Variants in CLASP2 observed in about 807,000 individuals in gnomAD.
The protein encoded by CLASP2 is cytoplasmic linker associated protein 2, also known as CLIP-associating protein 2.
CLASP2 carries 47 observed loss-of-function variants against 194.4 expected under a neutral mutation model. The observed-to-expected ratio is 0.24, with a 90% CI of 0.19 to 0.31. The LOEUF is 0.31. Ranked by LOEUF, CLASP2 falls within the 10% of genes least tolerant of loss-of-function variation. The pLI is 1.00. For missense variants in CLASP2, 1,445 were observed against 1,823.6 expected (o/e 0.79, Z 3.78); for synonymous variants, 619 against 633.5 (o/e 0.98, Z 0.34).
intron 2 of CLASP2, among the ~76,000 whole-genome samples, chr3:33,696,263 T>G (rs1244631317): frequency 6.6e-6 from 1 of 150,414 alleles, no homozygotes; most frequent in East Asian, 1.9e-4. Flanking sequence ...TCCCCATAAA[T>G]AGTCTGAAAC....
intron 29 of CLASP2, among the ~76,000 whole-genome samples, chr3:33,552,475 A>G (rs917186610): frequency 2.0e-5 from 3 of 152,146 alleles, no homozygotes; most frequent in African/African-American, 7.2e-5. Flanking sequence ...TGAAATATGT[A>G]TATTTGTGGA....
chr3:33,622,251 A>T lies in CLASP2; in HGVS notation c.1065T>A (p.Ala355=). ...AAAAGCAATCATACTGTGCAGCTCC[A>T]GCAACAAGCAGTGATCGAATTTTCT... ...ALKKIRSLLV[A]GAAQYDCFFQ... The change falls in exon 11 of 39, where the codon GCT becomes GCA. Residue 355 remains alanine, a synonymous_variant. Coordinates refer to ENST00000682230, the MANE Select transcript of CLASP2 (RefSeq NM_001365631.1). 6.6e-7 allele frequency: 1 copy of T among 1,516,104 alleles called. No homozygotes were observed. The highest frequency in any genetic ancestry group is 2.4e-5 in the East Asian group (1 of 41,730). 93.9% of individuals were successfully genotyped at this position (1,516,104 alleles called of 1,614,324 possible). A position where few individuals can be genotyped will look rare whatever the true frequency, so the allele number is the denominator to read the frequency against.
chr3:33,623,085 T>C (rs1228306587), intron 10 of CLASP2, among the ~76,000 whole-genome samples: 1 of 152,170 alleles, frequency 6.6e-6, no homozygotes, highest in Non-Finnish European at 1.5e-5. Flanking sequence ...AGTGAGCCAC[T>C]ACATCTGGCC....
intron 8 of CLASP2, among the ~76,000 whole-genome samples, chr3:33,633,403 G>A (rs776360600): frequency 3.9e-5 from 6 of 152,108 alleles, no homozygotes; most frequent in Non-Finnish European, 7.4e-5. Flanking sequence ...TCTGACTGAC[G>A]ACTCCCCAGT....
At chr3:33,712,709 T>A (rs1224856973) in intron 1 of CLASP2, among the ~76,000 whole-genome samples, 1 of 152,066 alleles carries the variant, frequency 6.6e-6, no homozygotes, top group Non-Finnish European at 1.5e-5. Context: ...ACGCCTGTAA[T>A]CCCAACACTT....
At chr3:33,533,416 C>A (rs575828664) in intron 34 of CLASP2, among the ~76,000 whole-genome samples, 23 of 152,116 alleles carry the variant, frequency 1.5e-4, no homozygotes, top group Non-Finnish European at 2.9e-4. Context: ...AACAAAAACA[C>A]TCCTCAACTT....
At chr3:33,550,747 A>G (rs1421049048) in intron 30 of CLASP2, among the ~76,000 whole-genome samples, 1 of 152,206 alleles carries the variant, frequency 6.6e-6, no homozygotes, top group Non-Finnish European at 1.5e-5. Context: ...CACTTGGTAT[A>G]AAAGTGAATA....
chr3:33,508,171 A>C (rs1239424411), intron 37 of CLASP2, among the ~76,000 whole-genome samples: 1 of 151,864 alleles, frequency 6.6e-6, no homozygotes, highest in Non-Finnish European at 1.5e-5. Flanking sequence ...CCAGGTAAGA[A>C]AACCTGGCTA....
chr3:33,566,888 TAAACTC>T (rs1221986611), intron 26 of CLASP2, among the ~76,000 whole-genome samples, 154 bp from the exon 27 acceptor site: 2 of 152,238 alleles, frequency 1.3e-5, no homozygotes, highest in Non-Finnish European at 2.9e-5. Flanking sequence ...AGTTTTATGA[TAAACTC>T]AAAATAGTTT....
intron 1 of CLASP2, 65 bp downstream of exon 1, chr3:33,717,743 C>G (rs1047733972): frequency 6.6e-7 from 1 of 1,512,152 alleles, no homozygotes; most frequent in Non-Finnish European, 8.9e-7. Flanking sequence ...GCCCGGCGCT[C>G]GCGTCCGGGA....
At chr3:33,548,369 C>T (rs1162244430) in intron 30 of CLASP2, among the ~76,000 whole-genome samples, 1 of 151,950 alleles carries the variant, frequency 6.6e-6, no homozygotes, top group Non-Finnish European at 1.5e-5. Flanking sequence ...GCAATCTCGG[C>T]TCACTACAAC....
At chr3:33,570,178 AT>A (rs2063481961) in intron 26 of CLASP2, among the ~76,000 whole-genome samples, 1 of 152,168 alleles carries the variant, frequency 6.6e-6, no homozygotes, top group Non-Finnish European at 1.5e-5. Flanking sequence ...ACTTAAATAA[AT>A]ATATTTTAAT....
At chr3:33,518,276 T>G (rs2051991695) in intron 34 of CLASP2, among the ~76,000 whole-genome samples, 1 of 152,234 alleles carries the variant, frequency 6.6e-6, no homozygotes, top group African/African-American at 2.4e-5. Context: ...GAAAAGTCAC[T>G]CACTGCTTAT....
intron 6 of CLASP2, among the ~76,000 whole-genome samples, chr3:33,679,484 C>T (rs2089425108): frequency 6.6e-6 from 1 of 152,110 alleles, no homozygotes; most frequent in African/African-American, 2.4e-5. Context: ...GCAAAAGACA[C>T]ATCTGTTAAA....
At chr3:33,669,575 G>T (rs1367105609) in intron 6 of CLASP2, among the ~76,000 whole-genome samples, 1 of 149,182 alleles carries the variant, frequency 6.7e-6, no homozygotes, top group Admixed American at 6.7e-5. Context: ...TTTAAAAAGA[G>T]AACTCAATTT....
chr3:33,696,541 C>T (rs1284403886), intron 2 of CLASP2, among the ~76,000 whole-genome samples: 1 of 150,910 alleles, frequency 6.6e-6, no homozygotes, highest in African/African-American at 2.4e-5. Flanking sequence ...TCTCAGCTCA[C>T]TGCAACCTCC....
At chr3:33,675,300 T>TG (rs1559605870) in intron 6 of CLASP2, among the ~76,000 whole-genome samples, 1 of 152,260 alleles carries the variant, frequency 6.6e-6, no homozygotes, top group South Asian at 2.1e-4. Flanking sequence ...AATCAATAAA[T>TG]GTATTCCAGC....
Position 33,577,128 on chromosome 3 carries a change from T to C in CLASP2, c.2348-853A>G, listed in dbSNP as rs2065064316. 2.9e-6 allele frequency: 3 copies of C among 1,052,504 alleles called. No individual in the cohort carries two copies. In the East Asian group the frequency reaches 7.9e-5, roughly 28 times the overall value. The allele number at this position is 1,052,504 out of a possible 1,614,324, so 65.2% of individuals were successfully genotyped here. A position where few individuals can be genotyped will look rare whatever the true frequency, so the allele number is the denominator to read the frequency against. ...AAAATCAATTTTAAAACATGAATAT[T>C]ATTTAATGGAAACTGAAAAGGATAA... On this transcript the variant is annotated intron_variant, in intron 23 of 38. Coordinates refer to ENST00000682230, the MANE Select transcript of CLASP2 (RefSeq NM_001365631.1).
At chr3:33,664,652 T>C (rs1196695172) in intron 6 of CLASP2, among the ~76,000 whole-genome samples, 1 of 152,186 alleles carries the variant, frequency 6.6e-6, no homozygotes, top group Non-Finnish European at 1.5e-5. Flanking sequence ...CAAATACAAC[T>C]ATTTACATAT....
Sources: allele counts gnomAD v4.1 joint callset (sites outside exome capture counted in the v4.1 genomes callset), GRCh38; gene constraint gnomAD v4.1.1; transcripts MANE v1.5; gene names NCBI Gene and HGNC (gene_info 2026-07-23, HGNC 2026-07-21).